MFHAS1: variants seen among roughly 807,000 people sequenced by gnomAD.
MFHAS1 encodes multifunctional ROCO family signaling regulator 1, also known as malignant fibrous histiocytoma-amplified sequence 1.
Under a neutral mutation model 70.4 loss-of-function variants are expected in MFHAS1, and 50 were observed. That is an observed-to-expected ratio of 0.71 (90% CI 0.57 to 0.90). The LOEUF (loss-of-function observed/expected upper bound fraction) is 0.90. Ranked by LOEUF, MFHAS1 falls within the 40% of genes least tolerant of loss-of-function variation. The pLI is 0.00. For synonymous variants in MFHAS1, 952 were observed against 620.0 expected (o/e 1.54, Z -7.96); for missense variants, 1,795 against 1,347.6 (o/e 1.33, Z -5.20).
chr8:8,827,276 G>T (rs1428586077), intron 1 of MFHAS1, among the ~76,000 whole-genome samples: 2 of 152,108 alleles, frequency 1.3e-5, no homozygotes, highest in African/African-American at 4.8e-5. Flanking sequence ...TTGTGTACAT[G>T]CTGGAAAACA....
At chr8:8,830,534 T>C (rs1023383374) in intron 1 of MFHAS1, among the ~76,000 whole-genome samples, 2 of 152,158 alleles carry the variant, frequency 1.3e-5, no homozygotes, top group African/African-American at 4.8e-5. Context: ...TGGACCAATT[T>C]TCTAATTTTA....
At chr8:8,826,175 C>T (rs1807152669) in intron 1 of MFHAS1, among the ~76,000 whole-genome samples, 1 of 152,106 alleles carries the variant, frequency 6.6e-6, no homozygotes, top group South Asian at 2.1e-4. Flanking sequence ...GACGGCCAGT[C>T]TATTCCACAG....
intron 1 of MFHAS1, among the ~76,000 whole-genome samples, chr8:8,869,148 T>A (rs1255348238): frequency 6.6e-6 from 1 of 152,112 alleles, no homozygotes; most frequent in Non-Finnish European, 1.5e-5. Flanking sequence ...CATGCAGCTG[T>A]TAATGCCACA....
chr8:8,886,222 A>G (rs1381681623), intron 1 of MFHAS1, among the ~76,000 whole-genome samples: 2 of 151,910 alleles, frequency 1.3e-5, no homozygotes, highest in East Asian at 3.9e-4. Context: ...TCAGAGTGCA[A>G]TGGCACAATC....
At chr8:8,799,059 A>C (rs1005123926) in intron 1 of MFHAS1, among the ~76,000 whole-genome samples, 5 of 149,592 alleles carry the variant, frequency 3.3e-5, no homozygotes, top group Admixed American at 1.3e-4. Context: ...ACAACAACAA[A>C]AAAAAAAAAA....
At chr8:8,880,633 G>C (rs1328063782) in intron 1 of MFHAS1, among the ~76,000 whole-genome samples, 2 of 151,866 alleles carry the variant, frequency 1.3e-5, no homozygotes, top group African/African-American at 4.8e-5. Context: ...ATTTGCAATA[G>C]GCTGGGTGCT....
At chr8:8,815,310 A>C (rs1423293540) in intron 1 of MFHAS1, among the ~76,000 whole-genome samples, 1 of 152,314 alleles carries the variant, frequency 6.6e-6, no homozygotes. Flanking sequence ...TATTGTGAAT[A>C]GTGCTGCGAT....
intron 2 of MFHAS1, among the ~76,000 whole-genome samples, chr8:8,796,797 C>G (rs1163491866): frequency 2.0e-5 from 3 of 150,748 alleles, no homozygotes; most frequent in African/African-American, 7.3e-5. Flanking sequence ...AGATCGAGAT[C>G]ATCCTGGCTA....
intron 1 of MFHAS1, among the ~76,000 whole-genome samples, chr8:8,844,513 T>C (rs376485843): frequency 2.6e-5 from 4 of 152,318 alleles, no homozygotes; most frequent in Non-Finnish European, 5.9e-5. Flanking sequence ...CAGCTTCTTA[T>C]CTGAAAAGAT....
chr8:8,890,974 C>G lies in MFHAS1; in HGVS notation c.2085G>C (p.Leu695=). 1 of 1,613,652 alleles carries G rather than the reference C, an allele frequency of 6.2e-7. No individual in the cohort carries two copies. The highest frequency in any genetic ancestry group is 8.5e-7 in the Non-Finnish European group (1 of 1,179,888). ...GGGCACTCTGCAGTCGGTCCTCGGT[C>G]AGACCCGCCTGCAGGCCCAAGCGCG... ...DSARLGLQAG[L]TEDRLQSALS... The change falls in exon 1 of 3, where the codon CTG becomes CTC. Residue 695 remains leucine, a synonymous_variant. Coordinates refer to ENST00000276282, the MANE Select transcript of MFHAS1 (RefSeq NM_004225.3).
At chr8:8,803,327 CA>C (rs1386966690) in intron 1 of MFHAS1, among the ~76,000 whole-genome samples, 2 of 151,810 alleles carry the variant, frequency 1.3e-5, no homozygotes, top group African/African-American at 4.8e-5. Flanking sequence ...CCAGCCTGGC[CA>C]ACATGGTGAA....
chr8:8,889,677 T>A (rs1238135124), intron 1 of MFHAS1, among the ~76,000 whole-genome samples: 2 of 152,212 alleles, frequency 1.3e-5, no homozygotes, highest in Middle Eastern at 3.2e-3. Context: ...CTTTGAGACG[T>A]GTCTAATGAA....
rs559364760 is a variant in MFHAS1 at position 8,880,805 on chromosome 8, C to T, written c.2998+9256G>A. Among the ~76,000 whole-genome samples, 18 of 152,200 alleles carry T rather than the reference C, an allele frequency of 1.2e-4. No homozygotes were observed. In the East Asian group the frequency reaches 3.3e-3, roughly 28 times the overall value. On this transcript the variant is annotated intron_variant, in intron 1 of 2. Coordinates refer to ENST00000276282, the MANE Select transcript of MFHAS1 (RefSeq NM_004225.3). ...GTTCAAGTGATTCTCCTGCCTCAGC[C>T]TCCCAAGTAGCTGGGATTACAGGCA...
chr8:8,813,553 T>A (rs918089762), intron 1 of MFHAS1, among the ~76,000 whole-genome samples: 1 of 152,166 alleles, frequency 6.6e-6, no homozygotes, highest in African/African-American at 2.4e-5. Context: ...GTGTGTGTCT[T>A]CATTTTAACA....
At position 8,890,803 on chromosome 8, in the gene MFHAS1, C is replaced by T. The variant is rs1203145891; in HGVS notation, c.2256G>A (p.Leu752=). 6.2e-7 allele frequency: 1 copy of T among 1,614,218 alleles called. No individual in the cohort carries two copies. Among genetic ancestry groups the T allele is most frequent in the African/African-American group, 1.3e-5 (1 of 75,078 alleles). The change falls in exon 1 of 3, where the codon CTG becomes CTA. Residue 752 remains leucine (L), a synonymous_variant. Coordinates refer to ENST00000276282, the MANE Select transcript of MFHAS1 (RefSeq NM_004225.3). ...TGCCCTCTCCACTGGTCCCTAGGAG[C>T]AGCTTATGCAGCAGCAAAGAGGGAT... ...QRDPSLLLHK[L]LLGTSGEGKA... is the part of the protein sequence containing the mutation.
intron 1 of MFHAS1, among the ~76,000 whole-genome samples, chr8:8,809,899 G>A (rs1806483644): frequency 6.6e-6 from 1 of 152,218 alleles, no homozygotes; most frequent in Non-Finnish European, 1.5e-5. Flanking sequence ...GGTTACTGCA[G>A]ACGGCATAAA....
At chr8:8,836,247 G>C (rs1807589317) in intron 1 of MFHAS1, among the ~76,000 whole-genome samples, 1 of 152,146 alleles carries the variant, frequency 6.6e-6, no homozygotes, top group South Asian at 2.1e-4. Context: ...TGTTGCTTCT[G>C]ACAAAATAAT....
At chr8:8,856,862 G>A (rs57047182) in intron 1 of MFHAS1, among the ~76,000 whole-genome samples, 67 of 151,816 alleles carry the variant, frequency 4.4e-4, no homozygotes, top group African/African-American at 1.6e-3. Flanking sequence ...CAGCCACAGG[G>A]CTTTGTTTAT....
chr8:8,887,597 T>C (rs995444915), intron 1 of MFHAS1, among the ~76,000 whole-genome samples: 3 of 150,422 alleles, frequency 2.0e-5, no homozygotes, highest in Non-Finnish European at 4.4e-5. Flanking sequence ...GTATATATTT[T>C]ATAATCGTGC....
Sources: allele counts gnomAD v4.1 joint callset (sites outside exome capture counted in the v4.1 genomes callset), GRCh38; gene constraint gnomAD v4.1.1; transcripts MANE v1.5; gene names NCBI Gene and HGNC (gene_info 2026-07-23, HGNC 2026-07-21).